The following IGFL2 variants were observed in gnomAD, a reference collection of about 807,000 sequenced individuals.
The protein encoded by IGFL2 is IGF like family member 2.
IGFL2 carries 7 observed loss-of-function variants against 13.9 expected under a neutral mutation model. That is an observed-to-expected ratio of 0.51 (90% confidence interval 0.29 to 0.95). IGFL2 has a LOEUF of 0.95. Ranked by LOEUF, IGFL2 falls within the 40% of genes least tolerant of loss-of-function variation. IGFL2 has a pLI of 0.08. For missense variants in IGFL2, 138 were observed against 147.8 expected (o/e 0.93, Z 0.34); for synonymous variants, 55 against 55.8 (o/e 0.99, Z 0.07).
the IGFL2 span, among the ~76,000 whole-genome samples, chr19:46,189,012 GAC>G: frequency 6.6e-6 from 1 of 152,104 alleles, no homozygotes; most frequent in Non-Finnish European, 1.5e-5. Context: ...TAGAAATAAA[GAC>G]ACAAGACCAA....
chr19:46,110,429 G>A, the IGFL2 span, among the ~76,000 whole-genome samples: 1 of 152,208 alleles, frequency 6.6e-6, no homozygotes, highest in African/African-American at 2.4e-5. Context: ...CTTGTCCCCT[G>A]TGGCTCTCCA....
At chr19:46,182,462 TA>T in the IGFL2 span, among the ~76,000 whole-genome samples, 1 of 152,054 alleles carries the variant, frequency 6.6e-6, no homozygotes, top group South Asian at 2.1e-4. Context: ...AATTACTGTT[TA>T]TATTGAGATC....
chr19:46,109,880 T>G, the IGFL2 span, among the ~76,000 whole-genome samples: 1 of 152,182 alleles, frequency 6.6e-6, no homozygotes, highest in African/African-American at 2.4e-5. Flanking sequence ...TATTTTCACT[T>G]CTTTTGTGGA....
chr19:46,085,456 C>T, the IGFL2 span, among the ~76,000 whole-genome samples: 2 of 152,020 alleles, frequency 1.3e-5, no homozygotes, highest in Non-Finnish European at 2.9e-5. Flanking sequence ...GAATAGCAAC[C>T]CCTGCTCTTT....
At chr19:46,161,302 C>G (rs1365906588), downstream of IGFL2, 1 of 421,314 alleles carries the variant, frequency 2.4e-6, no homozygotes, top group Non-Finnish European at 4.2e-6. Flanking sequence ...CACCTGTACC[C>G]AATGTCGTCT....
chr19:46,091,660 T>G, the IGFL2 span, among the ~76,000 whole-genome samples: 1 of 152,244 alleles, frequency 6.6e-6, no homozygotes, highest in African/African-American at 2.4e-5. Context: ...TTTGTTCAAC[T>G]TAGAGTCCTA....
chr19:46,169,462 A>T, the IGFL2 span, among the ~76,000 whole-genome samples: 1 of 152,226 alleles, frequency 6.6e-6, no homozygotes, highest in Non-Finnish European at 1.5e-5. Context: ...GGAGAGAGAG[A>T]GTGAATAGAT....
the IGFL2 span, among the ~76,000 whole-genome samples, chr19:46,087,605 G>GA: frequency 6.6e-6 from 1 of 152,262 alleles, no homozygotes; most frequent in African/African-American, 2.4e-5. Flanking sequence ...TGGGAACAGT[G>GA]AGACTGCTTT....
At chr19:46,112,734 T>C in the IGFL2 span, among the ~76,000 whole-genome samples, 1 of 152,240 alleles carries the variant, frequency 6.6e-6, no homozygotes, top group Non-Finnish European at 1.5e-5. Flanking sequence ...GTCGCTGTGA[T>C]GGCTGCCAGT....
chr19:46,211,073 A>G, the IGFL2 span, among the ~76,000 whole-genome samples: 7 of 152,214 alleles, frequency 4.6e-5, no homozygotes, highest in Admixed American at 6.5e-5. Context: ...GAATGGCTGA[A>G]AGGCTGTTCC....
chr19:46,143,412 T>G (rs560841560), upstream of IGFL2, among the ~76,000 whole-genome samples: 1 of 151,724 alleles, frequency 6.6e-6, no homozygotes, highest in East Asian at 1.9e-4. Context: ...CTTTTTTTTT[T>G]TTTTTGAGAC....
At chr19:46,174,508 G>T in the IGFL2 span, among the ~76,000 whole-genome samples, 1 of 152,232 alleles carries the variant, frequency 6.6e-6, no homozygotes, top group Non-Finnish European at 1.5e-5. Context: ...CAGCATAGCT[G>T]AAAGTTTCCC....
chr19:46,095,505 T>C, the IGFL2 span, among the ~76,000 whole-genome samples: 1 of 152,240 alleles, frequency 6.6e-6, no homozygotes, highest in Non-Finnish European at 1.5e-5. Context: ...TAATTTCTTT[T>C]GCTGTGCAGA....
the IGFL2 span, chr19:46,137,640 C>T: frequency 1.3e-6 from 1 of 757,038 alleles, no homozygotes; most frequent in Non-Finnish European, 2.3e-6. Flanking sequence ...CCCTGCGTGA[C>T]CCAGGATGGG....
the IGFL2 span, among the ~76,000 whole-genome samples, chr19:46,101,825 G>A: frequency 1.3e-5 from 2 of 152,262 alleles, no homozygotes; most frequent in Admixed American, 1.3e-4. Context: ...GGGCTCATGA[G>A]TGAGATCTCC....
chr19:46,103,823 G>GAA, the IGFL2 span, among the ~76,000 whole-genome samples: 25 of 152,156 alleles, frequency 1.6e-4, no homozygotes, highest in African/African-American at 6.0e-4. Flanking sequence ...TATCATTTAG[G>GAA]AATGCGGGTG....
rs768346890 is a variant in IGFL2 at position 46,160,485 on chromosome 19, G to A, written c.73+17G>A. The A allele has an allele frequency of 1.2e-6, 2 of 1,613,624 alleles. No individual in the cohort carries two copies. Among genetic ancestry groups the A allele is most frequent in the Non-Finnish European group, 8.5e-7 (1 of 1,179,542 alleles). ...AAGTCATCGGTGAGTACAAGGATGG[G>A]CAAGAGTGAAGAGGAAGGAGGCTGA... On this transcript the variant is annotated intron_variant, in intron 2 of 3. Transcript: ENST00000377693.
chr19:46,153,810 T>C (rs1242673816), intron 1 of IGFL2, among the ~76,000 whole-genome samples: 1 of 146,316 alleles, frequency 6.8e-6, no homozygotes, highest in Non-Finnish European at 1.5e-5. Flanking sequence ...TTACAAATTA[T>C]ATATGTGTAT....
At chr19:46,134,326 C>A in the IGFL2 span, among the ~76,000 whole-genome samples, 1 of 152,042 alleles carries the variant, frequency 6.6e-6, no homozygotes, top group Non-Finnish European at 1.5e-5. Flanking sequence ...GGACTGGTTT[C>A]CCAAGGAAGA....
Sources: allele counts gnomAD v4.1 joint callset (sites outside exome capture counted in the v4.1 genomes callset), GRCh38; gene constraint gnomAD v4.1.1; transcripts MANE v1.5; gene names NCBI Gene and HGNC (gene_info 2026-07-23, HGNC 2026-07-21).